Variants in EBF1 observed in about 807,000 individuals in gnomAD.
The protein encoded by EBF1 is transcription factor COE1.
In EBF1, 10 loss-of-function variants were observed where a neutral mutation model predicts 68.4. The observed-to-expected ratio is 0.15, with a 90% CI of 0.09 to 0.25. The LOEUF is 0.25. Ranked by LOEUF, EBF1 falls within the 10% of genes least tolerant of loss-of-function variation. The pLI is 1.00. For synonymous variants in EBF1, 298 were observed against 299.8 expected (o/e 0.99, Z 0.06); for missense variants, 509 against 794.4 (o/e 0.64, Z 4.32).
intron 11 of EBF1, among the ~76,000 whole-genome samples, chr5:158,723,781 C>G (rs1050955874): frequency 6.6e-6 from 1 of 151,956 alleles, no homozygotes; most frequent in Non-Finnish European, 1.5e-5. Context: ...AAGCATTTGC[C>G]GCAAAATAAG....
intron 6 of EBF1, among the ~76,000 whole-genome samples, chr5:159,018,563 C>A (rs533298909): frequency 2.6e-5 from 4 of 152,166 alleles, no homozygotes; most frequent in Non-Finnish European, 5.9e-5. Flanking sequence ...TTCCAGCACA[C>A]ATAGTTGAAA....
chr5:158,866,833 GTATATATATATATATA>G lies in EBF1; in HGVS notation c.555-26739_555-26724del, dbSNP rs70987938. On this transcript the variant is annotated intron_variant, in intron 6 of 15. Transcript: ENST00000313708. Reference sequence around the variant, plus strand: ...GTAATATATGTATATATATGTATATGTATATATATATATATATATATATATATATATATATATATAT... The same window carrying G: ...GTAATATATGTATATATATGTATATGTATATATATATATATATATATATAT... 3.1e-3 allele frequency among the ~76,000 whole-genome samples: 285 copies of G among 92,684 alleles called. 1 individual carries two copies. The highest frequency in any genetic ancestry group is 0.01 in the Middle Eastern group (2 of 192). 60.8% of individuals were successfully genotyped at this position (92,684 alleles called of 152,430 possible).
chr5:158,995,916 A>G (rs1164257905), intron 6 of EBF1, among the ~76,000 whole-genome samples: 1 of 152,102 alleles, frequency 6.6e-6, no homozygotes, highest in African/African-American at 2.4e-5. Context: ...GCCCCCCAAA[A>G]CATATTAGTG....
chr5:158,746,196 A>C (rs1281605718), intron 10 of EBF1, among the ~76,000 whole-genome samples: 1 of 152,236 alleles, frequency 6.6e-6, no homozygotes, highest in African/African-American at 2.4e-5. Flanking sequence ...AGAGCATAGC[A>C]TTTGTCACAG....
At chr5:158,823,937 T>TA (rs35469600) in intron 7 of EBF1, among the ~76,000 whole-genome samples, 91,232 of 149,396 alleles carry the variant, frequency 0.61, 28,382 homozygotes, top group South Asian at 0.77. Context: ...TGTTTCAAAT[T>TA]AAAAAAAAAA....
intron 9 of EBF1, among the ~76,000 whole-genome samples, chr5:158,789,768 C>G (rs1343032875): frequency 2.0e-5 from 3 of 152,130 alleles, no homozygotes; most frequent in Non-Finnish European, 4.4e-5. Flanking sequence ...CAAGGCCGGG[C>G]AAAAAGGCCT....
chr5:158,762,151 G>A (rs1197041495), intron 10 of EBF1, among the ~76,000 whole-genome samples: 1 of 152,124 alleles, frequency 6.6e-6, no homozygotes, highest in Non-Finnish European at 1.5e-5. Flanking sequence ...AGTCCTGAAA[G>A]CACTTTTCTA....
intron 6 of EBF1, among the ~76,000 whole-genome samples, chr5:159,017,042 T>A (rs889856649): frequency 6.6e-6 from 1 of 152,222 alleles, no homozygotes; most frequent in Admixed American, 6.5e-5. Flanking sequence ...CCAAGTAAAA[T>A]TAATTTCAGC....
At chr5:159,000,794 C>G (rs2127643271) in intron 6 of EBF1, among the ~76,000 whole-genome samples, 1 of 152,102 alleles carries the variant, frequency 6.6e-6, no homozygotes, top group Non-Finnish European at 1.5e-5. Context: ...TTCAAATGAC[C>G]AATGAGTGAT....
At chr5:159,097,342 G>C (rs1202711241) in intron 1 of EBF1, 1 of 577,514 alleles carries the variant, frequency 1.7e-6, no homozygotes, top group Admixed American at 3.3e-5. Context: ...GCCAAGGACG[G>C]GTGCGTCCTC....
At chr5:159,064,786 C>A (rs1776477162) in intron 6 of EBF1, among the ~76,000 whole-genome samples, 1 of 151,296 alleles carries the variant, frequency 6.6e-6, no homozygotes, top group African/African-American at 2.4e-5. Context: ...TGTAGAGAAA[C>A]ATGGGTTTTC....
intron 11 of EBF1, among the ~76,000 whole-genome samples, chr5:158,720,031 A>G (rs1364425003): frequency 1.1e-4 from 16 of 152,170 alleles, no homozygotes. Context: ...CCCATTTATC[A>G]CCAATCTACT....
At chr5:158,795,661 G>A (rs1779486488) in intron 9 of EBF1, among the ~76,000 whole-genome samples, 3 of 152,224 alleles carry the variant, frequency 2.0e-5, no homozygotes, top group Admixed American at 6.5e-5. Flanking sequence ...CGGGATGCAT[G>A]TTTTGTAATC....
chr5:158,968,224 A>G (rs1754567210), intron 6 of EBF1, among the ~76,000 whole-genome samples: 1 of 152,178 alleles, frequency 6.6e-6, no homozygotes, highest in African/African-American at 2.4e-5. Context: ...TAATGATCCT[A>G]TTTCTGAGTA....
At chr5:159,036,566 A>G (rs1259571123) in intron 6 of EBF1, among the ~76,000 whole-genome samples, 1 of 121,408 alleles carries the variant, frequency 8.2e-6, no homozygotes, top group Admixed American at 8.7e-5. Context: ...AGGATTCCCT[A>G]TTTAATAAAT....
chr5:158,712,358 G>A, intron 13 of EBF1, 25 bp from the exon 14 acceptor site: 1 of 1,610,850 alleles, frequency 6.2e-7, no homozygotes, highest in South Asian at 1.1e-5. Context: ...CAAAACCGGA[G>A]GTGAGGGTGG....
At chr5:158,899,048 C>T (rs1201725912) in intron 6 of EBF1, among the ~76,000 whole-genome samples, 1 of 152,182 alleles carries the variant, frequency 6.6e-6, no homozygotes, top group Admixed American at 6.5e-5. Context: ...TACTGTTCCC[C>T]ATATTGTTGA....
chr5:158,812,357 G>A (rs1335075664), intron 8 of EBF1, among the ~76,000 whole-genome samples: 1 of 152,106 alleles, frequency 6.6e-6, no homozygotes, highest in African/African-American at 2.4e-5. Context: ...GTTGACAACT[G>A]GTGGCTACGT....
chr5:159,051,413 T>TC (rs1208139418), intron 6 of EBF1, among the ~76,000 whole-genome samples: 60 of 28,886 alleles, frequency 2.1e-3, no homozygotes, highest in Non-Finnish European at 3.4e-3. Flanking sequence ...TCCCTCCCCC[T>TC]CCCCCCCGCT....
Sources: allele counts gnomAD v4.1 joint callset (sites outside exome capture counted in the v4.1 genomes callset), GRCh38; gene constraint gnomAD v4.1.1; transcripts MANE v1.5; gene names NCBI Gene and HGNC (gene_info 2026-07-23, HGNC 2026-07-21).